COMMD10: variants seen among roughly 807,000 people sequenced by gnomAD.
The protein encoded by COMMD10 is COMM domain-containing protein 10.
Under a neutral mutation model 28.9 loss-of-function variants are expected in COMMD10, and 33 were observed. The ratio of observed to expected loss-of-function variants is 1.14; its 90% confidence interval spans 0.87 to 1.53. COMMD10 has a LOEUF of 1.53. COMMD10 is among the 40% of genes most tolerant of loss of function. The pLI, the probability that COMMD10 is intolerant of heterozygous loss-of-function variation, is 0.00. For synonymous variants in COMMD10, 110 were observed against 81.7 expected (o/e 1.35, Z -1.87); for missense variants, 310 against 233.4 (o/e 1.33, Z -2.14).
At chr5:116,125,316 T>G (rs1276513430) in intron 4 of COMMD10, among the ~76,000 whole-genome samples, 3 of 152,162 alleles carry the variant, frequency 2.0e-5, no homozygotes, top group Admixed American at 1.3e-4. Flanking sequence ...TGAAGTTTAT[T>G]TTGGCTGGAT....
chr5:116,176,702 T>C (rs955539332), intron 5 of COMMD10, among the ~76,000 whole-genome samples: 3 of 152,172 alleles, frequency 2.0e-5, no homozygotes, highest in African/African-American at 7.2e-5. Flanking sequence ...CATTTAATTA[T>C]TATTTTTAAA....
chr5:116,164,412 G>A (rs1411961189), intron 5 of COMMD10, among the ~76,000 whole-genome samples: 1 of 152,094 alleles, frequency 6.6e-6, no homozygotes, highest in African/African-American at 2.4e-5. Context: ...AATAAGTGGG[G>A]GTAATTGACA....
intron 4 of COMMD10, among the ~76,000 whole-genome samples, chr5:116,103,259 T>G (rs1027161749): frequency 3.9e-5 from 6 of 152,208 alleles, no homozygotes; most frequent in Non-Finnish European, 8.8e-5. Flanking sequence ...TCTTCCACAA[T>G]GGTTGAACTA....
chr5:116,237,202 C>G (rs775941722), intron 5 of COMMD10, among the ~76,000 whole-genome samples: 13 of 151,870 alleles, frequency 8.6e-5, no homozygotes, highest in Non-Finnish European at 7.4e-5. Context: ...TAATGTGGCT[C>G]AAGTGAATTG....
intron 4 of COMMD10, among the ~76,000 whole-genome samples, chr5:116,112,584 A>G: frequency 6.6e-6 from 1 of 152,102 alleles, no homozygotes; most frequent in Non-Finnish European, 1.5e-5. Context: ...TACTTTAAGT[A>G]GAGACTGTCA....
Position 116,278,155 on chromosome 5 carries a change from A to T in COMMD10, c.511-13362A>T, listed in dbSNP as rs561115784. ...GTACTTATCCTTAGAATAAATTATA[A>T]ATACTTAGAAAAATATACCATTACC... On this transcript the variant is annotated intron_variant, in intron 5 of 6. Transcript: ENST00000274458. Among the ~76,000 whole-genome samples the T allele has an allele frequency of 2.0e-5, 3 of 151,932 alleles. No homozygotes were observed. In the South Asian group the frequency reaches 6.2e-4, roughly 31 times the overall value.
chr5:116,085,109 A>G lies in COMMD10; in HGVS notation c.41+16A>G. The G allele has an allele frequency of 1.9e-6, 3 of 1,606,732 alleles. No homozygotes were observed. The South Asian group carries it at 3.3e-5, about 18-fold the overall frequency. On this transcript the variant is annotated intron_variant, in intron 1 of 6. Coordinates refer to ENST00000274458, the MANE Select transcript of COMMD10 (RefSeq NM_016144.4). Reference sequence around the variant, plus strand: ...AGAGCCCCAGGTAGCTGATCCGTTAAGCTCTTGCGGTAGCCGCGCCCAGGA... The same window carrying G: ...AGAGCCCCAGGTAGCTGATCCGTTAGGCTCTTGCGGTAGCCGCGCCCAGGA...
chr5:116,107,687 C>T (rs563704788), intron 4 of COMMD10, among the ~76,000 whole-genome samples: 4 of 152,186 alleles, frequency 2.6e-5, no homozygotes, highest in Admixed American at 1.3e-4. Context: ...TCTGTCAGTT[C>T]GTCAAACTCG....
chr5:116,241,869 G>GT (rs1749825207), intron 5 of COMMD10, among the ~76,000 whole-genome samples: 1 of 151,028 alleles, frequency 6.6e-6, no homozygotes, highest in East Asian at 1.9e-4. Flanking sequence ...CACCCACCTC[G>GT]GCCTCCCAAA....
chr5:116,198,430 G>A (rs191148796), intron 5 of COMMD10, among the ~76,000 whole-genome samples: 77 of 152,100 alleles, frequency 5.1e-4, no homozygotes, highest in East Asian at 1.9e-3. Flanking sequence ...GAGATCCCCC[G>A]TATATTCCCT....
At chr5:116,275,199 G>A (rs1217558091) in intron 5 of COMMD10, among the ~76,000 whole-genome samples, 1 of 151,762 alleles carries the variant, frequency 6.6e-6, no homozygotes. Context: ...TTTTGTGGAT[G>A]TACCTCCAAA....
intron 4 of COMMD10, among the ~76,000 whole-genome samples, chr5:116,133,307 C>G (rs192158010): frequency 2.7e-4 from 41 of 152,302 alleles, no homozygotes; most frequent in Admixed American, 8.5e-4. Context: ...CATCTGTGCT[C>G]AATACTTTAT....
chr5:116,209,746 AAT>A (rs1371181139), intron 5 of COMMD10, among the ~76,000 whole-genome samples: 1 of 152,106 alleles, frequency 6.6e-6, no homozygotes, highest in African/African-American at 2.4e-5. Flanking sequence ...GCGTCTCTTA[AAT>A]ATATGTTTTT....
intron 5 of COMMD10, among the ~76,000 whole-genome samples, chr5:116,270,014 C>T (rs1042295524): frequency 6.8e-6 from 1 of 147,304 alleles, no homozygotes. Flanking sequence ...ACTTTCAAGC[C>T]TTCTAATCTA....
chr5:116,209,349 A>G (rs149048156), intron 5 of COMMD10, among the ~76,000 whole-genome samples: 2 of 152,164 alleles, frequency 1.3e-5, no homozygotes, highest in African/African-American at 2.4e-5. Context: ...ATCTTAACTG[A>G]CCACTAACAA....
At chr5:116,209,747 A>G (rs1282288027) in intron 5 of COMMD10, among the ~76,000 whole-genome samples, 1 of 152,102 alleles carries the variant, frequency 6.6e-6, no homozygotes, top group East Asian at 1.9e-4. Flanking sequence ...CGTCTCTTAA[A>G]TATATGTTTT....
At chr5:116,269,673 T>C (rs1339229712) in intron 5 of COMMD10, among the ~76,000 whole-genome samples, 1 of 151,926 alleles carries the variant, frequency 6.6e-6, no homozygotes, top group African/African-American at 2.4e-5. Context: ...TAGCCTCTTC[T>C]TAAGTTTCCC....
At chr5:116,104,935 G>C (rs2112727706) in intron 4 of COMMD10, among the ~76,000 whole-genome samples, 1 of 152,218 alleles carries the variant, frequency 6.6e-6, no homozygotes, top group African/African-American at 2.4e-5. Context: ...TTTCCTAATT[G>C]AATATCCTTT....
chr5:116,179,529 G>A (rs1347605822), intron 5 of COMMD10, among the ~76,000 whole-genome samples: 2 of 152,106 alleles, frequency 1.3e-5, no homozygotes, highest in African/African-American at 4.8e-5. Flanking sequence ...TAGGTGGTGG[G>A]GAGAAGAGCT....
Sources: allele counts gnomAD v4.1 joint callset (sites outside exome capture counted in the v4.1 genomes callset), GRCh38; gene constraint gnomAD v4.1.1; transcripts MANE v1.5; gene names NCBI Gene and HGNC (gene_info 2026-07-23, HGNC 2026-07-21).